Variants in FMNL2 observed in about 807,000 individuals in gnomAD.
FMNL2 encodes formin-like protein 2.
Under a neutral mutation model 130.2 loss-of-function variants are expected in FMNL2, and 51 were observed. The observed-to-expected ratio is 0.39, with a 90% CI of 0.31 to 0.49. The LOEUF is 0.49. Ranked by LOEUF, FMNL2 falls within the 20% of genes least tolerant of loss-of-function variation. The probability of loss-of-function intolerance (pLI) is 0.85; values close to 1 mark genes in which losing one functional copy is unlikely to be tolerated. For synonymous variants in FMNL2, 465 were observed against 467.1 expected (o/e 1.00, Z 0.06); for missense variants, 977 against 1,316.2 (o/e 0.74, Z 3.99).
At chr2:152,569,796 G>T (rs1175073771) in intron 6 of FMNL2, among the ~76,000 whole-genome samples, 1 of 151,344 alleles carries the variant, frequency 6.6e-6, no homozygotes, top group African/African-American at 2.4e-5. Flanking sequence ...ATCACTTGAG[G>T]CCAGGAGTTC....
At chr2:152,338,820 T>TACACACACACACACACACACACACAC (rs58367779) in intron 1 of FMNL2, among the ~76,000 whole-genome samples, 5 of 148,870 alleles carry the variant, frequency 3.4e-5, no homozygotes, top group African/African-American at 1.0e-4. Context: ...GAAGGTGAGA[T>TACACACACACACACACACACACACAC]ACACACACAC....
chr2:152,459,324 G>T (rs571695692), intron 1 of FMNL2, among the ~76,000 whole-genome samples: 1 of 152,268 alleles, frequency 6.6e-6, no homozygotes, highest in East Asian at 1.9e-4. Flanking sequence ...GGTCTTTCAT[G>T]AATATGCCAT....
At chr2:152,593,400 T>C (rs1014817376) in intron 9 of FMNL2, among the ~76,000 whole-genome samples, 2 of 152,234 alleles carry the variant, frequency 1.3e-5, no homozygotes, top group African/African-American at 4.8e-5. Flanking sequence ...GCAAAAAGCC[T>C]TTTATGTAAT....
chr2:152,350,577 G>A (rs1489877103), intron 1 of FMNL2, among the ~76,000 whole-genome samples: 1 of 152,194 alleles, frequency 6.6e-6, no homozygotes, highest in Non-Finnish European at 1.5e-5. Flanking sequence ...TACTTAGAAT[G>A]GCTTTCTTTG....
intron 1 of FMNL2, among the ~76,000 whole-genome samples, chr2:152,479,904 T>C (rs1029129822): frequency 6.6e-6 from 1 of 151,930 alleles, no homozygotes; most frequent in African/African-American, 2.4e-5. Flanking sequence ...TTGGTAGAGA[T>C]GGGGTTTTTT....
chr2:152,354,415 T>A (rs928313011), intron 1 of FMNL2, among the ~76,000 whole-genome samples: 3 of 152,202 alleles, frequency 2.0e-5, no homozygotes, highest in African/African-American at 7.2e-5. Context: ...ATGCATTGTT[T>A]TAAATCAAGA....
intron 22 of FMNL2, 121 bp from the exon 23 acceptor site, chr2:152,637,452 A>G: frequency 1.4e-6 from 1 of 729,210 alleles, no homozygotes; most frequent in South Asian, 1.7e-5. Context: ...AGGGAGGTGC[A>G]GCAACGCAAG....
chr2:152,556,843 A>C (rs1277097345), intron 4 of FMNL2, among the ~76,000 whole-genome samples: 2 of 152,098 alleles, frequency 1.3e-5, no homozygotes, highest in East Asian at 1.9e-4. Flanking sequence ...GGCCACTGAG[A>C]ATATGTACAA....
rs138926754 is a variant in FMNL2 at position 152,521,948 on chromosome 2, T to C, written c.123T>C (p.Ala41=). 28,795 of 1,612,222 alleles carry C rather than the reference T, an allele frequency of 0.018. 323 individuals are homozygous for C. Among genetic ancestry groups the C allele is most frequent in the Non-Finnish European group, 0.022 (25,480 of 1,178,650 alleles). ...TCTTTATTTTTTTTAAACAGAATGCTATGAACCTACCTCCTGACAAAGCCA... is the reference window on the plus strand; with the variant it reads ...TCTTTATTTTTTTTAAACAGAATGCCATGAACCTACCTCCTGACAAAGCCA... The part of the protein sequence containing the change: ...LEERFAIVLN[A]MNLPPDKARL... Residue 41 remains alanine, a synonymous_variant, in exon 2 of 26, where the codon GCT becomes GCC. Transcript: ENST00000288670.
At chr2:152,644,243 A>C (rs1191384141) in intron 25 of FMNL2, among the ~76,000 whole-genome samples, 2 of 152,196 alleles carry the variant, frequency 1.3e-5, no homozygotes, top group Non-Finnish European at 2.9e-5. Context: ...ACAAAAAACA[A>C]AACATACTGT....
At chr2:152,421,134 C>T (rs1337559112) in intron 1 of FMNL2, among the ~76,000 whole-genome samples, 2 of 152,078 alleles carry the variant, frequency 1.3e-5, no homozygotes, top group Non-Finnish European at 1.5e-5. Context: ...AACTCATTTC[C>T]CCTTTAGGCA....
intron 1 of FMNL2, among the ~76,000 whole-genome samples, chr2:152,434,893 C>T (rs1414451438): frequency 6.6e-6 from 1 of 151,970 alleles, no homozygotes; most frequent in Non-Finnish European, 1.5e-5. Flanking sequence ...CCTGGGATGG[C>T]CCCTCAGAGC....
intron 1 of FMNL2, among the ~76,000 whole-genome samples, chr2:152,387,618 C>T (rs1197951882): frequency 6.6e-6 from 1 of 151,974 alleles, no homozygotes; most frequent in Non-Finnish European, 1.5e-5. Flanking sequence ...GTTTGAACTC[C>T]ATGTCTGGTT....
intron 1 of FMNL2, among the ~76,000 whole-genome samples, chr2:152,353,391 A>G (rs893064355): frequency 1.1e-4 from 16 of 152,316 alleles, no homozygotes; most frequent in African/African-American, 3.6e-4. Context: ...TAATACCAGG[A>G]TCAGCCTTTT....
intron 1 of FMNL2, among the ~76,000 whole-genome samples, chr2:152,422,084 C>T (rs537558211): frequency 7.2e-5 from 11 of 152,132 alleles, no homozygotes; most frequent in Non-Finnish European, 1.6e-4. Flanking sequence ...TCTGACAGGG[C>T]CTGAGCTCTT....
intron 1 of FMNL2, among the ~76,000 whole-genome samples, chr2:152,451,140 G>A (rs1332974016): frequency 1.3e-5 from 2 of 151,982 alleles, no homozygotes; most frequent in African/African-American, 4.8e-5. Context: ...TTGAACTCTT[G>A]GACTTCAGTT....
chr2:152,534,564 C>CTTTTTTTTTT (rs10719527), intron 2 of FMNL2, among the ~76,000 whole-genome samples: 1 of 131,572 alleles, frequency 7.6e-6, no homozygotes, highest in Non-Finnish European at 1.6e-5. Context: ...CTTATTTTGT[C>CTTTTTTTTTT]TTTTTTTTTT....
intron 13 of FMNL2, 110 bp downstream of exon 13, chr2:152,617,302 C>A: frequency 3.1e-6 from 3 of 957,700 alleles, no homozygotes; most frequent in South Asian, 1.6e-5. Context: ...ATTGATGCAG[C>A]ATATTTATTG....
chr2:152,428,671 G>T (rs550281275), intron 1 of FMNL2, among the ~76,000 whole-genome samples: 99 of 152,244 alleles, frequency 6.5e-4, no homozygotes, highest in African/African-American at 2.3e-3. Context: ...ATCTAGGGAG[G>T]TTGAGAAGTT....
Sources: allele counts gnomAD v4.1 joint callset (sites outside exome capture counted in the v4.1 genomes callset), GRCh38; gene constraint gnomAD v4.1.1; transcripts MANE v1.5; gene names NCBI Gene and HGNC (gene_info 2026-07-23, HGNC 2026-07-21).